Variants in STK32B observed in about 807,000 individuals in gnomAD.
STK32B encodes serine/threonine-protein kinase 32B.
STK32B carries 43 observed loss-of-function variants against 52.6 expected under a neutral mutation model. That is an observed-to-expected ratio of 0.82 (90% CI 0.64 to 1.05). The LOEUF is 1.05. Among genes scored for constraint, STK32B ranks in the 50% least tolerant of loss-of-function variants. The probability of loss-of-function intolerance (pLI) is 0.00; values close to 1 mark genes in which losing one functional copy is unlikely to be tolerated. For missense variants in STK32B, 621 were observed against 534.6 expected (o/e 1.16, Z -1.59); for synonymous variants, 238 against 204.3 (o/e 1.17, Z -1.41).
At chr4:5,198,172 T>A (rs553443532) in intron 3 of STK32B, among the ~76,000 whole-genome samples, 13 of 152,350 alleles carry the variant, frequency 8.5e-5, no homozygotes, top group African/African-American at 2.6e-4. Flanking sequence ...AAGTTAGCTA[T>A]TATTATGATG....
At chr4:5,100,339 CCCTT>C (rs1195098362) in intron 1 of STK32B, among the ~76,000 whole-genome samples, 63 of 134,274 alleles carry the variant, frequency 4.7e-4, no homozygotes, top group Non-Finnish European at 6.8e-4. Context: ...CTCCCTCCCT[CCCTT>C]CCTTCCTTCC....
At chr4:5,263,256 C>A (rs369685253) in intron 3 of STK32B, among the ~76,000 whole-genome samples, 1 of 152,158 alleles carries the variant, frequency 6.6e-6, no homozygotes, top group African/African-American at 2.4e-5. Context: ...ATGTATCATC[C>A]GTGCAGTCCC....
intron 6 of STK32B, among the ~76,000 whole-genome samples, chr4:5,444,789 T>C (rs937285593): frequency 6.6e-6 from 1 of 152,198 alleles, no homozygotes; most frequent in African/African-American, 2.4e-5. Flanking sequence ...CCATTATTAT[T>C]ATCTACATTC....
At position 5,156,905 on chromosome 4, in the gene STK32B, C is replaced by T. The variant is rs114817482; in HGVS notation, c.109-11394C>T. Among the ~76,000 whole-genome samples, 1,010 of 152,030 alleles carry T rather than the reference C, an allele frequency of 6.6e-3. 9 individuals carry two copies. Among genetic ancestry groups the T allele is most frequent in the African/African-American group, 0.023 (960 of 41,474 alleles). On this transcript the variant is annotated intron_variant, in intron 2 of 11. Transcript: ENST00000282908. ...ATGCAATGATGATCATTTCCAGACCCAAGCATATTATTACTTGTCTCATTC... is the reference window on the plus strand; with the variant it reads ...ATGCAATGATGATCATTTCCAGACCTAAGCATATTATTACTTGTCTCATTC...
At chr4:5,193,705 T>C (rs760109655) in intron 3 of STK32B, among the ~76,000 whole-genome samples, 2 of 152,218 alleles carry the variant, frequency 1.3e-5, no homozygotes, top group African/African-American at 4.8e-5. Context: ...CAGCCACATA[T>C]GTGAAACTAG....
chr4:5,163,422 C>A (rs1362868867), intron 2 of STK32B, among the ~76,000 whole-genome samples: 2 of 152,076 alleles, frequency 1.3e-5, no homozygotes, highest in African/African-American at 4.8e-5. Context: ...AGGGAAGTTT[C>A]TGAAAGATGT....
At chr4:5,352,841 A>G (rs1039078239) in intron 4 of STK32B, among the ~76,000 whole-genome samples, 17 of 152,132 alleles carry the variant, frequency 1.1e-4, no homozygotes, top group Non-Finnish European at 2.2e-4. Flanking sequence ...TACCCAAAGC[A>G]ATCTACAGAT....
intron 3 of STK32B, among the ~76,000 whole-genome samples, chr4:5,307,381 C>T (rs1729990379): frequency 1.3e-5 from 2 of 151,976 alleles, no homozygotes; most frequent in South Asian, 2.1e-4. Flanking sequence ...ATTTGAAAAC[C>T]TTGTCTTCAA....
intron 3 of STK32B, among the ~76,000 whole-genome samples, chr4:5,297,348 C>T (rs1329945111): frequency 1.3e-5 from 2 of 152,110 alleles, no homozygotes; most frequent in African/African-American, 4.8e-5. Context: ...GAGATGTTCT[C>T]CTGGATAATA....
chr4:5,408,315 A>T (rs1403382012), intron 5 of STK32B, among the ~76,000 whole-genome samples: 1 of 152,018 alleles, frequency 6.6e-6, no homozygotes, highest in East Asian at 1.9e-4. Context: ...TGTTCTCATG[A>T]ATGACTGAGT....
At chr4:5,447,704 A>G (rs547849111) in intron 7 of STK32B, among the ~76,000 whole-genome samples, 1 of 152,348 alleles carries the variant, frequency 6.6e-6, no homozygotes, top group East Asian at 1.9e-4. Context: ...ATCATTTGAA[A>G]AGGATGTCAC....
intron 7 of STK32B, among the ~76,000 whole-genome samples, chr4:5,450,889 C>G (rs1715927417): frequency 3.9e-5 from 6 of 152,172 alleles, no homozygotes. Flanking sequence ...AGAGCAGAGG[C>G]TGGATCACAC....
intron 1 of STK32B, among the ~76,000 whole-genome samples, chr4:5,113,575 A>T (rs530837412): frequency 1.3e-5 from 2 of 152,302 alleles, no homozygotes; most frequent in Non-Finnish European, 2.9e-5. Context: ...CTATGTTGTT[A>T]AATGGCAAAA....
intron 1 of STK32B, among the ~76,000 whole-genome samples, chr4:5,063,384 C>T (rs1326997164): frequency 6.6e-6 from 1 of 152,068 alleles, no homozygotes; most frequent in African/African-American, 2.4e-5. Context: ...GCTCTGTCAC[C>T]CAGGCTGGAG....
Position 5,383,326 on chromosome 4 carries a change from A to G in STK32B, c.435-14881A>G, listed in dbSNP as rs559334383. Among the ~76,000 whole-genome samples, 5 of 152,198 alleles carry G rather than the reference A, an allele frequency of 3.3e-5. 1 individual carries two copies. The South Asian group carries it at 1.0e-3, about 32-fold the overall frequency. ...CTGAACATGCCTGGCTCCTGGTTCC[A>G]CCTACCCCTGGGACTCAACAGCTGT... is the stretch of plus-strand genomic sequence containing the variant. On this transcript the variant is annotated intron_variant, in intron 4 of 11. Coordinates refer to ENST00000282908, the MANE Select transcript of STK32B (RefSeq NM_018401.3).
Position 5,168,296 on chromosome 4 carries a change from C to T in STK32B, c.109-3C>T. 2 of 1,606,084 alleles carry T rather than the reference C, an allele frequency of 1.2e-6. No individual in the cohort carries two copies. Among genetic ancestry groups the T allele is most frequent in the East Asian group, 4.5e-5 (2 of 44,702 alleles). On this transcript the variant is annotated splice_region_variant and splice_polypyrimidine_tract_variant and intron_variant, in intron 2 of 11. Coordinates refer to ENST00000282908, the MANE Select transcript of STK32B (RefSeq NM_018401.3). ...ACTGTTCTCTCCTTTGGCTGTCGCT[C>T]AGGTATGCATCGTGCAGAAGCGAGA...
the STK32B span, among the ~76,000 whole-genome samples, chr4:5,045,891 C>T: frequency 2.6e-5 from 4 of 152,232 alleles, no homozygotes; most frequent in African/African-American, 7.2e-5. Flanking sequence ...ATTTGAATAC[C>T]CCTTATGTCT....
chr4:5,109,512 C>T (rs562644707), intron 1 of STK32B, among the ~76,000 whole-genome samples: 2 of 152,116 alleles, frequency 1.3e-5, no homozygotes, highest in Non-Finnish European at 1.5e-5. Flanking sequence ...GAGCAAGGAC[C>T]GTGTGATCAT....
At chr4:5,171,710 G>A (rs1000683502) in intron 3 of STK32B, among the ~76,000 whole-genome samples, 7 of 145,850 alleles carry the variant, frequency 4.8e-5, no homozygotes, top group Admixed American at 1.4e-4. Context: ...GGTTACTGTA[G>A]CCTTGTAGTA....
Sources: allele counts gnomAD v4.1 joint callset (sites outside exome capture counted in the v4.1 genomes callset), GRCh38; gene constraint gnomAD v4.1.1; transcripts MANE v1.5; gene names NCBI Gene and HGNC (gene_info 2026-07-23, HGNC 2026-07-21).